MARK3: variants seen among roughly 807,000 people sequenced by gnomAD.
The protein encoded by MARK3 is MAP/microtubule affinity-regulating kinase 3.
Under a neutral mutation model 90.1 loss-of-function variants are expected in MARK3, and 46 were observed. The observed-to-expected ratio is 0.51, with a 90% CI of 0.40 to 0.65. MARK3 has a LOEUF of 0.65. Ranked by LOEUF, MARK3 falls within the 30% of genes least tolerant of loss-of-function variation. The pLI, the probability that MARK3 is intolerant of heterozygous loss-of-function variation, is 0.00. For missense variants in MARK3, 818 were observed against 947.2 expected (o/e 0.86, Z 1.79); for synonymous variants, 321 against 332.6 (o/e 0.97, Z 0.38).
At chr14:103,472,144 A>G (rs985250659) in intron 12 of MARK3, among the ~76,000 whole-genome samples, 1 of 147,552 alleles carries the variant, frequency 6.8e-6, no homozygotes, top group Non-Finnish European at 1.5e-5. Context: ...CGGGAGGCGG[A>G]GCTTGCAGTG....
At chr14:103,443,251 T>C (rs1401948375) in intron 3 of MARK3, among the ~76,000 whole-genome samples, 1 of 152,220 alleles carries the variant, frequency 6.6e-6, no homozygotes, top group Non-Finnish European at 1.5e-5. Flanking sequence ...GAATTCATGA[T>C]TGAATTCTTT....
intron 14 of MARK3, among the ~76,000 whole-genome samples, chr14:103,486,911 T>TATTC (rs1259908642): frequency 6.6e-6 from 1 of 151,474 alleles, no homozygotes; most frequent in African/African-American, 2.4e-5. Context: ...AAAGTTTATT[T>TATTC]ATTTATTTAT....
chr14:103,409,656 G>A (rs1429187955), intron 2 of MARK3, among the ~76,000 whole-genome samples: 3 of 151,998 alleles, frequency 2.0e-5, no homozygotes, highest in Admixed American at 2.0e-4. Context: ...TTTTTATATA[G>A]ACATTAACTT....
At chr14:103,420,118 ACAGT>A (rs780226232) in intron 2 of MARK3, among the ~76,000 whole-genome samples, 6 of 152,178 alleles carry the variant, frequency 3.9e-5, no homozygotes, top group Non-Finnish European at 7.3e-5. Flanking sequence ...AAGCATAAAA[ACAGT>A]CAGCATGCTT....
At chr14:103,401,793 C>G (rs991152834) in intron 1 of MARK3, among the ~76,000 whole-genome samples, 25 of 152,066 alleles carry the variant, frequency 1.6e-4, no homozygotes, top group African/African-American at 6.0e-4. Context: ...GAGTTAGATA[C>G]AAGCAAAGTA....
At chr14:103,474,913 T>A (rs911803233) in intron 12 of MARK3, 80 bp from the exon 13 acceptor site, 2 of 1,118,770 alleles carry the variant, frequency 1.8e-6, no homozygotes, top group Non-Finnish European at 2.6e-6. Flanking sequence ...CCTTAGATCA[T>A]CTTACAAAAT....
intron 1 of MARK3, among the ~76,000 whole-genome samples, chr14:103,396,552 T>G (rs888665516): frequency 1.3e-5 from 2 of 152,198 alleles, no homozygotes; most frequent in Non-Finnish European, 2.9e-5. Flanking sequence ...TACATGTCTT[T>G]AAAATTTAGC....
chr14:103,408,502 A>C (rs778123578), intron 2 of MARK3, among the ~76,000 whole-genome samples: 27 of 152,208 alleles, frequency 1.8e-4, no homozygotes, highest in Non-Finnish European at 3.4e-4. Flanking sequence ...ATGTAGTAAT[A>C]CTTTTGAAGG....
intron 15 of MARK3, among the ~76,000 whole-genome samples, chr14:103,493,720 C>A (rs969542312): frequency 5.3e-5 from 8 of 151,260 alleles, no homozygotes; most frequent in African/African-American, 1.9e-4. Context: ...ACTAAAAATA[C>A]AAAAATTAGC....
chr14:103,453,905 C>G (rs767326382), intron 5 of MARK3, among the ~76,000 whole-genome samples: 27 of 152,340 alleles, frequency 1.8e-4, no homozygotes, highest in Non-Finnish European at 3.4e-4. Flanking sequence ...GCCTGGACCG[C>G]CAGTGCTCTG....
chr14:103,481,096 TG>T (rs1566922578), intron 14 of MARK3, among the ~76,000 whole-genome samples: 1 of 152,232 alleles, frequency 6.6e-6, no homozygotes, highest in African/African-American at 2.4e-5. Flanking sequence ...CATCCTATCA[TG>T]CACATGATTT....
At chr14:103,411,917 G>A (rs191311055) in intron 2 of MARK3, among the ~76,000 whole-genome samples, 14 of 150,468 alleles carry the variant, frequency 9.3e-5, no homozygotes, top group East Asian at 3.9e-4. Context: ...CACCACGCCC[G>A]GCCAATGACT....
chr14:103,468,351 G>T (rs1313154613), intron 12 of MARK3, among the ~76,000 whole-genome samples, 165 bp downstream of exon 12: 2 of 104,222 alleles, frequency 1.9e-5, no homozygotes, highest in African/African-American at 3.9e-5. Flanking sequence ...TTGAGACAGA[G>T]TCTCACTCTG....
At chr14:103,412,239 G>T in intron 2 of MARK3, 1 of 771,742 alleles carries the variant, frequency 1.3e-6, no homozygotes. Context: ...TTATGCACAA[G>T]CTCATCGTCT....
chr14:103,412,769 C>T (rs1242725779), intron 2 of MARK3: 1 of 499,220 alleles, frequency 2.0e-6, no homozygotes, highest in Middle Eastern at 3.8e-4. Flanking sequence ...TATGGGTTCT[C>T]ATGCCACGCT....
At chr14:103,390,958 G>A (rs767333934) in intron 1 of MARK3, among the ~76,000 whole-genome samples, 4 of 152,120 alleles carry the variant, frequency 2.6e-5, no homozygotes, top group African/African-American at 7.2e-5. Flanking sequence ...CAGGCCTCCT[G>A]TCCCAGCCTC....
chr14:103,468,641 T>G (rs1189062401), intron 12 of MARK3, among the ~76,000 whole-genome samples: 1 of 152,042 alleles, frequency 6.6e-6, no homozygotes, highest in Non-Finnish European at 1.5e-5. Context: ...TTTTTCTTAG[T>G]GTTCCTGCAG....
chr14:103,500,109 CT>C, intron 16 of MARK3, 46 bp from the exon 17 acceptor site: 1 of 1,511,260 alleles, frequency 6.6e-7, no homozygotes, highest in Non-Finnish European at 9.1e-7. Flanking sequence ...TGTAAGATTT[CT>C]TTTCTCTTTC....
Position 103,425,249 on chromosome 14 carries a change from A to ATTATTTATTTAT in MARK3, c.244-3119_244-3108dup, listed in dbSNP as rs71460674. On this transcript the variant is annotated intron_variant, in intron 2 of 17. Coordinates refer to ENST00000429436, the MANE Select transcript of MARK3 (RefSeq NM_001128918.3). ...GCCACCACACCTGGCCTATTTATTT[A>ATTATTTATTTAT]TTATTTATTTATTTATTTATTTATT... 3.3e-3 allele frequency among the ~76,000 whole-genome samples: 490 copies of ATTATTTATTTAT among 146,742 alleles called. 5 individuals carry two copies. Among genetic ancestry groups the ATTATTTATTTAT allele is most frequent in the East Asian group, 0.03 (148 of 4,960 alleles).
Sources: gnomAD v4.1 joint callset for allele counts (sites outside exome capture counted in the v4.1 genomes callset) on GRCh38, gnomAD v4.1.1 for gene constraint, MANE v1.5 for transcripts, NCBI Gene and HGNC (gene_info 2026-07-23, HGNC 2026-07-21) for gene names.